Variants in CLIC5 observed in about 807,000 individuals in gnomAD.
CLIC5 encodes the protein CLIC family member 5.
In CLIC5, 20 loss-of-function variants were observed where a neutral mutation model predicts 24.7. That is an observed-to-expected ratio of 0.81 (90% CI 0.57 to 1.18). The LOEUF is 1.18. Among genes scored for constraint, CLIC5 ranks in the 50% most tolerant of loss-of-function variants. The probability of loss-of-function intolerance (pLI) is 0.00; values close to 1 mark genes in which losing one functional copy is unlikely to be tolerated. For missense variants in CLIC5, 341 were observed against 326.1 expected (o/e 1.05, Z -0.35); for synonymous variants, 159 against 135.6 (o/e 1.17, Z -1.20).
chr6:45,988,021 A>G (rs1435394450), intron 1 of CLIC5, among the ~76,000 whole-genome samples: 1 of 152,158 alleles, frequency 6.6e-6, no homozygotes, highest in Non-Finnish European at 1.5e-5. Flanking sequence ...TCCAGTGTCA[A>G]TTCTAAAGTC....
At chr6:46,028,787 C>A (rs987087415) in intron 1 of CLIC5, among the ~76,000 whole-genome samples, 32 of 152,250 alleles carry the variant, frequency 2.1e-4, no homozygotes, top group Admixed American at 3.3e-4. Context: ...TTACAACTGA[C>A]AAACCTACAT....
the CLIC5 span, among the ~76,000 whole-genome samples, chr6:46,103,520 T>C: frequency 3.9e-5 from 6 of 152,310 alleles, no homozygotes; most frequent in Middle Eastern, 3.4e-3. Context: ...TTTATTTATA[T>C]AACAAGACCA....
chr6:46,095,392 T>G, the CLIC5 span, among the ~76,000 whole-genome samples: 1 of 152,220 alleles, frequency 6.6e-6, no homozygotes, highest in African/African-American at 2.4e-5. Context: ...TCTGCTTCCC[T>G]TTTAAAAATA....
At chr6:45,914,478 G>T (rs1762944075) in intron 4 of CLIC5, 69 bp from the exon 5 acceptor site, 2 of 1,422,086 alleles carry the variant, frequency 1.4e-6, no homozygotes, top group African/African-American at 2.8e-5. Context: ...AGGGTCTTCA[G>T]AGTGGAGTAG....
At position 45,955,159 on chromosome 6, in the gene CLIC5, T is replaced by A; in HGVS notation, c.149A>T (p.Asn50Ile). 6.2e-7 allele frequency: 1 copy of A among 1,613,612 alleles called. No individual in the cohort carries two copies. Among genetic ancestry groups the A allele is most frequent in the Non-Finnish European group, 8.5e-7 (1 of 1,179,522 alleles). The change falls in exon 2 of 6, where the codon AAT (asparagine) becomes ATT (isoleucine). Residue 50 changes from asparagine (N) to isoleucine (I), a missense_variant. Asn to Ile is a moderately radical substitution (Grantham distance 149). Coordinates refer to ENST00000339561, the MANE Select transcript of CLIC5 (RefSeq NM_016929.5). ...MILWLKGVVF[N>I]VTTVDLKRKP... ...CCTTTTCAGATCCACAGTGGTGACATTGAACACGACTCCTTTCAGCCAGAG... is the reference window on the plus strand; with the variant it reads ...CCTTTTCAGATCCACAGTGGTGACAATGAACACGACTCCTTTCAGCCAGAG...
chr6:45,968,238 CACTTG>C (rs1414239919), intron 1 of CLIC5, among the ~76,000 whole-genome samples: 1 of 152,180 alleles, frequency 6.6e-6, no homozygotes, highest in Non-Finnish European at 1.5e-5. Flanking sequence ...TGCCTCTCCC[CACTTG>C]TATCTCTCAA....
intron 1 of CLIC5, among the ~76,000 whole-genome samples, chr6:45,987,492 T>C (rs939854150): frequency 6.6e-6 from 1 of 152,230 alleles, no homozygotes; most frequent in African/African-American, 2.4e-5. Flanking sequence ...AACTATAAGA[T>C]AGATTTTTGT....
At chr6:46,018,043 G>A (rs1724724485), upstream of CLIC5, among the ~76,000 whole-genome samples, 1 of 152,160 alleles carries the variant, frequency 6.6e-6, no homozygotes, top group Non-Finnish European at 1.5e-5. Flanking sequence ...CTTCACAGCT[G>A]TACATTCTGC....
chr6:46,073,397 C>G (rs146721053), intron 1 of CLIC5, among the ~76,000 whole-genome samples: 3 of 152,076 alleles, frequency 2.0e-5, no homozygotes, highest in African/African-American at 7.2e-5. Context: ...GCTTTTTCCA[C>G]GAAAATTGGT....
At chr6:46,010,156 T>C (rs1166468502) in intron 1 of CLIC5, among the ~76,000 whole-genome samples, 1 of 152,214 alleles carries the variant, frequency 6.6e-6, no homozygotes, top group Non-Finnish European at 1.5e-5. Flanking sequence ...TTTCAAGAAG[T>C]ATCTTGGTTC....
intron 6 of CLIC5, among the ~76,000 whole-genome samples, chr6:45,885,486 G>A (rs540540965): frequency 5.9e-5 from 9 of 152,126 alleles, no homozygotes; most frequent in Non-Finnish European, 2.9e-5. Flanking sequence ...ACAGAAGATC[G>A]TTATTAAAAA....
intron 4 of CLIC5, among the ~76,000 whole-genome samples, chr6:45,923,502 T>C (rs1458796989): frequency 6.6e-6 from 1 of 152,238 alleles, no homozygotes; most frequent in Non-Finnish European, 1.5e-5. Context: ...ACTGAAATAA[T>C]TACTGGATTT....
chr6:46,082,909 C>G (rs753881450), upstream of CLIC5, among the ~76,000 whole-genome samples: 23 of 152,090 alleles, frequency 1.5e-4, no homozygotes, highest in Non-Finnish European at 3.2e-4. Context: ...AGAATGTAAA[C>G]CCTATATGGC....
chr6:45,882,933 T>A (rs1762275586), intron 6 of CLIC5, among the ~76,000 whole-genome samples: 1 of 152,222 alleles, frequency 6.6e-6, no homozygotes, highest in South Asian at 2.1e-4. Context: ...TAGAAAGTTA[T>A]AATTTAGCTC....
exon 1 of CLIC5, chr6:46,080,042 T>G (rs1413049094): frequency 6.4e-7 from 1 of 1,551,698 alleles, no homozygotes; most frequent in East Asian, 2.4e-5. Flanking sequence ...AGCTGGTCTC[T>G]TCACCCTTAA....
At chr6:45,927,324 A>T (rs1763538502) in intron 4 of CLIC5, among the ~76,000 whole-genome samples, 1 of 152,164 alleles carries the variant, frequency 6.6e-6, no homozygotes, top group Non-Finnish European at 1.5e-5. Context: ...CCCTGGACCA[A>T]CAGTGTCCGA....
chr6:45,952,875 T>C (rs1487749034), intron 2 of CLIC5, among the ~76,000 whole-genome samples: 1 of 152,164 alleles, frequency 6.6e-6, no homozygotes, highest in Non-Finnish European at 1.5e-5. Flanking sequence ...GGAAGCTGCT[T>C]TTTCATAAGT....
chr6:46,096,828 C>G, the CLIC5 span, among the ~76,000 whole-genome samples: 6 of 152,326 alleles, frequency 3.9e-5, no homozygotes, highest in African/African-American at 1.4e-4. Context: ...AGAGTACTTA[C>G]TATACGATTT....
At chr6:45,921,214 C>G (rs1004164375) in intron 4 of CLIC5, among the ~76,000 whole-genome samples, 6 of 152,110 alleles carry the variant, frequency 3.9e-5, no homozygotes, top group African/African-American at 1.4e-4. Context: ...ATGTCTACAC[C>G]AGATTCTTAG....
Sources: allele counts gnomAD v4.1 joint callset (sites outside exome capture counted in the v4.1 genomes callset), GRCh38; gene constraint gnomAD v4.1.1; transcripts MANE v1.5; gene names NCBI Gene and HGNC (gene_info 2026-07-23, HGNC 2026-07-21).